Variants in MTURN observed in about 807,000 individuals in gnomAD.
MTURN encodes maturin.
Under a neutral mutation model 14.9 loss-of-function variants are expected in MTURN, and 7 were observed. The observed-to-expected ratio is 0.47, with a 90% CI of 0.27 to 0.88. The LOEUF is 0.88. Among genes scored for constraint, MTURN ranks in the 40% least tolerant of loss-of-function variants. The pLI, the probability that MTURN is intolerant of heterozygous loss-of-function variation, is 0.14. For missense variants in MTURN, 151 were observed against 174.1 expected (o/e 0.87, Z 0.75); for synonymous variants, 69 against 72.5 (o/e 0.95, Z 0.25).
Position 30,160,011 on chromosome 7 carries a change from C to T in MTURN, c.*2463C>T, listed in dbSNP as rs28364759. ...TGGGAGGAGGAGTGTTGACCTTGGA[C>T]GCAGGAGAGACACCTGGGTTCTAGT... On this transcript the variant is annotated 3_prime_UTR_variant, in exon 3 of 3. Transcript: ENST00000324453. 27,713 of 152,364 alleles carry T rather than the reference C, an allele frequency of 0.18. 2,648 individuals are homozygous for T. The highest frequency in any genetic ancestry group is 0.25 in the South Asian group (1,184 of 4,822). The allele number at this position is 152,364 out of a possible 1,614,324, so 9.4% of individuals were successfully genotyped here.
At chr7:30,150,226 T>C (rs1051496653) in intron 2 of MTURN, among the ~76,000 whole-genome samples, 3 of 152,194 alleles carry the variant, frequency 2.0e-5, no homozygotes, top group Admixed American at 6.5e-5. Flanking sequence ...AATGTTAGTA[T>C]GATGTGGATA....
At chr7:30,148,329 G>A (rs1366672003) in intron 2 of MTURN, among the ~76,000 whole-genome samples, 5 of 152,236 alleles carry the variant, frequency 3.3e-5, no homozygotes, top group Non-Finnish European at 4.4e-5. Context: ...GAGCAGGAGC[G>A]GCCAGTGTGG....
In MTURN at chr7:30,146,161, GC is replaced by G. The variant is rs1797125960; in HGVS notation, c.163-13del. The G allele has an allele frequency of 6.2e-7, 1 of 1,613,232 alleles. No individual in the cohort carries two copies. The highest frequency in any genetic ancestry group is 1.1e-5 in the South Asian group (1 of 91,080). ...TGTGTCTTTGTTTTCTCCTTCCGTC[GC>G]CCGTGGGCACGCAGCACGTGTGGAG... On this transcript the variant is annotated splice_polypyrimidine_tract_variant and intron_variant, in intron 1 of 2. Coordinates refer to ENST00000324453, the MANE Select transcript of MTURN (RefSeq NM_152793.3).
At chr7:30,146,772 T>G (rs1767481717) in intron 2 of MTURN, among the ~76,000 whole-genome samples, 1 of 152,244 alleles carries the variant, frequency 6.6e-6, no homozygotes, top group African/African-American at 2.4e-5. Context: ...TCTTTTCTAT[T>G]TTTAAAAAGT....
intron 1 of MTURN, chr7:30,145,922 G>A (rs139703186): frequency 6.4e-7 from 1 of 1,551,772 alleles, no homozygotes; most frequent in Non-Finnish European, 8.7e-7. Flanking sequence ...CCTCTTTACT[G>A]TGTAGGAGCA....
chr7:30,136,536 A>G (rs1013041425), intron 1 of MTURN, among the ~76,000 whole-genome samples: 4 of 152,034 alleles, frequency 2.6e-5, no homozygotes, highest in African/African-American at 9.7e-5. Context: ...CGCCCTGACC[A>G]CCTACGGGAA....
intron 2 of MTURN, among the ~76,000 whole-genome samples, chr7:30,148,925 CG>C (rs1797167080): frequency 6.6e-6 from 1 of 152,060 alleles, no homozygotes; most frequent in Non-Finnish European, 1.5e-5. Flanking sequence ...GAAGAATACC[CG>C]TTAGCAACTG....
chr7:30,143,088 C>T (rs73079727), intron 1 of MTURN, among the ~76,000 whole-genome samples: 2,387 of 152,186 alleles, frequency 0.016, 29 homozygotes, highest in Non-Finnish European at 0.022. Context: ...CTCTCCACTC[C>T]GCTTGGTTTT....
intron 2 of MTURN, among the ~76,000 whole-genome samples, chr7:30,150,660 T>C (rs1267376036): frequency 1.3e-5 from 2 of 152,210 alleles, no homozygotes; most frequent in Non-Finnish European, 2.9e-5. Flanking sequence ...GCAGGCTCAT[T>C]GAGGAACAAA....
intron 1 of MTURN, among the ~76,000 whole-genome samples, chr7:30,138,622 C>G (rs1797002772): frequency 6.6e-6 from 1 of 151,900 alleles, no homozygotes; most frequent in Admixed American, 6.6e-5. Flanking sequence ...CTAAATAGAT[C>G]CAAAATGACT....
intron 1 of MTURN, among the ~76,000 whole-genome samples, chr7:30,142,200 A>G (rs150569952): frequency 6.6e-6 from 1 of 152,322 alleles, no homozygotes; most frequent in African/African-American, 2.4e-5. Flanking sequence ...TATTCTCTTA[A>G]GCTGGGCAAG....
chr7:30,157,136 C>G (rs1797299754), intron 2 of MTURN, among the ~76,000 whole-genome samples: 1 of 152,098 alleles, frequency 6.6e-6, no homozygotes. Flanking sequence ...CTGCTGACAT[C>G]CCAGATGTGT....
intron 2 of MTURN, among the ~76,000 whole-genome samples, chr7:30,155,432 C>T (rs1425252765): frequency 6.6e-6 from 1 of 152,220 alleles, no homozygotes; most frequent in Non-Finnish European, 1.5e-5. Flanking sequence ...TAGTCATCGA[C>T]GTGCCTTACG....
At chr7:30,145,660 C>A in intron 1 of MTURN, 2 of 617,666 alleles carry the variant, frequency 3.2e-6, no homozygotes, top group Non-Finnish European at 5.4e-6. Flanking sequence ...TTGGTGGGTT[C>A]TCTTAAGTTA....
intron 2 of MTURN, among the ~76,000 whole-genome samples, chr7:30,150,284 G>T (rs904337386): frequency 6.6e-6 from 1 of 152,198 alleles, no homozygotes; most frequent in African/African-American, 2.4e-5. Flanking sequence ...GCAGGTTACC[G>T]TTGGGGGGAA....
intron 1 of MTURN, 121 bp downstream of exon 1, chr7:30,135,419 C>A: frequency 1.3e-6 from 1 of 778,904 alleles, no homozygotes; most frequent in Non-Finnish European, 1.6e-6. Context: ...CCGTAACCCG[C>A]GCCCCGCGCC....
rs1180846932 is a variant in MTURN, at chr7:30,158,254, G to A, written c.*706G>A. The A allele has an allele frequency of 6.6e-6, 1 of 152,418 alleles. No individual in the cohort carries two copies. The highest frequency in any genetic ancestry group is 1.5e-5 in the Non-Finnish European group (1 of 68,022). 9.4% of individuals were successfully genotyped at this position (152,418 alleles called of 1,614,324 possible). On this transcript the variant is annotated 3_prime_UTR_variant, in exon 3 of 3. Coordinates refer to ENST00000324453, the MANE Select transcript of MTURN (RefSeq NM_152793.3). Reference sequence around the variant, plus strand: ...AAAGCCACTTTTGAAGTCTATAGTGGAAAATATAGATGGGGTGAAAGATAT... The same window carrying A: ...AAAGCCACTTTTGAAGTCTATAGTGAAAAATATAGATGGGGTGAAAGATAT...
Position 30,148,996 on chromosome 7 carries a change from G to T in MTURN, c.285+2697G>T, listed in dbSNP as rs1365651877. The stretch of plus-strand genomic sequence containing the variant: ...TCACTCATTGACCTGCCGCCAGCTG[G>T]TCTCTGTGGGTGTCGTCTGTGGTGG... On this transcript the variant is annotated intron_variant, in intron 2 of 2. Coordinates refer to ENST00000324453, the MANE Select transcript of MTURN (RefSeq NM_152793.3). Among the ~76,000 whole-genome samples the T allele has an allele frequency of 2.6e-5, 4 of 152,182 alleles. No individual in the cohort carries two copies. In the East Asian group the frequency reaches 5.8e-4, roughly 22 times the overall value.
At chr7:30,135,774 C>T (rs926011754) in intron 1 of MTURN, among the ~76,000 whole-genome samples, 1 of 152,208 alleles carries the variant, frequency 6.6e-6, no homozygotes, top group Admixed American at 6.5e-5. Context: ...ATCCCGCTCC[C>T]CTCCGGTGCC....
Sources: gnomAD v4.1 joint callset for allele counts (sites outside exome capture counted in the v4.1 genomes callset) on GRCh38, gnomAD v4.1.1 for gene constraint, MANE v1.5 for transcripts, NCBI Gene and HGNC (gene_info 2026-07-23, HGNC 2026-07-21) for gene names.